Variants in FANCM observed in about 807,000 individuals in gnomAD.
FANCM encodes the protein Fanconi anemia group M protein.
FANCM carries 140 observed loss-of-function variants against 199.5 expected under a neutral mutation model. The ratio of observed to expected loss-of-function variants is 0.70; its 90% CI spans 0.61 to 0.81. The LOEUF (loss-of-function observed/expected upper bound fraction) is 0.81, where lower values mean the gene tolerates loss of function less well. Ranked by LOEUF, FANCM falls within the 30% of genes least tolerant of loss-of-function variation. FANCM has a pLI of 0.00. For missense variants in FANCM, 2,410 were observed against 2,421.4 expected (o/e 1.00, Z 0.10); for synonymous variants, 840 against 836.8 (o/e 1.00, Z -0.07).
Position 45,167,052 on chromosome 14 carries a change from GA to G in FANCM, c.1892del (p.Asp631ValfsTer39). On this transcript the variant is annotated frameshift_variant, in exon 11 of 23. Coordinates refer to ENST00000267430, the MANE Select transcript of FANCM (RefSeq NM_020937.4). LOFTEE classifies it high-confidence loss of function. ...FYQRSPRMVP[D>X]GINPKLHKMF... ...CCAAAGAAGTCCACGAATGGTTCCT[GA>G]TGGAATCAACCCAAAATTACACAAA... 1 of 1,612,634 alleles carries G rather than the reference GA, an allele frequency of 6.2e-7. No homozygotes were observed. The highest frequency in any genetic ancestry group is 8.5e-7 in the Non-Finnish European group (1 of 1,178,660).
rs201905147 is a variant in FANCM at position 45,164,343 on chromosome 14, A to C, written c.1582-16A>C. 17 of 1,595,238 alleles carry C rather than the reference A, an allele frequency of 1.1e-5. No individual in the cohort carries two copies. Among genetic ancestry groups the C allele is most frequent in the Non-Finnish European group, 1.5e-5 (17 of 1,164,496 alleles). On this transcript the variant is annotated splice_polypyrimidine_tract_variant and intron_variant, in intron 9 of 22. Coordinates refer to ENST00000267430, the MANE Select transcript of FANCM (RefSeq NM_020937.4). ...TACATTTGCATGTAGTTATTTTTCAATTGTTTTTATTTTAGGTAGTGAAAC... is the reference window on the plus strand; with the variant it reads ...TACATTTGCATGTAGTTATTTTTCACTTGTTTTTATTTTAGGTAGTGAAAC...
In FANCM at chr14:45,176,860, A is replaced by G; in HGVS notation, c.4106A>G (p.Asn1369Ser). 1.2e-6 allele frequency: 2 copies of G among 1,607,530 alleles called. No individual in the cohort carries two copies. Among genetic ancestry groups the G allele is most frequent in the South Asian group, 2.2e-5 (2 of 90,042 alleles). ...KTPDSSKEKV[N>S]LQRFKEALNS... ...CCAGATTCTAGTAAGGAAAAAGTAA[A>G]CCTACAAAGATTCAAAGAAGCATTG... Residue 1369 changes from asparagine (N) to serine (S), a missense_variant, in exon 14 of 23, where the codon AAC (asparagine) becomes AGC (serine). Transcript: ENST00000267430.
chr14:45,172,039 T>A (rs981176704), intron 12 of FANCM, among the ~76,000 whole-genome samples: 14 of 152,314 alleles, frequency 9.2e-5, no homozygotes, highest in South Asian at 2.1e-4. Flanking sequence ...TTGATTTTTT[T>A]AATTATGGCC....
Position 45,176,227 on chromosome 14 carries a change from C to T in FANCM, c.3473C>T (p.Ser1158Phe), listed in dbSNP as rs952413457. 4.3e-6 allele frequency: 7 copies of T among 1,613,920 alleles called. No homozygotes were observed. In the African/African-American group the frequency reaches 9.3e-5, roughly 22 times the overall value. ...SLSPLNSKSE[S>F]LPVSDKTAIS... ...TCACCCTTGAACAGTAAAAGCGAAT[C>T]TTTACCTGTGTCAGACAAAACTGCT... The change falls in exon 14 of 23, where the codon TCT (serine) becomes TTT (phenylalanine). Residue 1158 changes from serine to phenylalanine, a missense_variant. Physicochemically the swap from Ser to Phe is radical, Grantham distance 155. Coordinates refer to ENST00000267430, the MANE Select transcript of FANCM (RefSeq NM_020937.4).
rs1177683268 is a variant in FANCM at position 45,148,817 on chromosome 14, A to G, written c.760-20A>G. On this transcript the variant is annotated intron_variant, in intron 3 of 22. Transcript: ENST00000267430. ...ATTTTAACATGTAGTTTATAATCAT[A>G]CTTAATTGATTTCATATAGGCTGTG... The G allele has an allele frequency of 1.3e-6, 2 of 1,567,812 alleles. No individual in the cohort carries two copies. Among genetic ancestry groups the G allele is most frequent in the African/African-American group, 1.3e-5 (1 of 74,134 alleles).
rs201076487 is a variant in FANCM at position 45,164,381 on chromosome 14, G to A, written c.1604G>A (p.Gly535Asp). ...QLEVVKQFRD[G>D]GYNTLVSTCV... is the part of the protein sequence containing the mutation. Reference sequence around the variant, plus strand: ...TAGGTAGTGAAACAGTTTCGTGACGGTGGTTACAACACGCTGGTTTCTACC... The same window carrying A: ...TAGGTAGTGAAACAGTTTCGTGACGATGGTTACAACACGCTGGTTTCTACC... The change falls in exon 10 of 23, where the codon GGT (glycine) becomes GAT (aspartate). Residue 535 changes from glycine to aspartate, a missense_variant. By Grantham distance (94) the Gly-to-Asp change is moderately conservative. Transcript: ENST00000267430. 1.4e-5 allele frequency: 23 copies of A among 1,612,836 alleles called. No individual in the cohort carries two copies. Among genetic ancestry groups the A allele is most frequent in the Non-Finnish European group, 1.7e-5 (20 of 1,179,736 alleles).
Position 45,136,008 on chromosome 14 carries a change from A to T in FANCM, c.-24A>T, listed in dbSNP as rs113550718. 12 of 1,612,598 alleles carry T rather than the reference A, an allele frequency of 7.4e-6. No homozygotes were observed. Among genetic ancestry groups the T allele is most frequent in the Non-Finnish European group, 1.0e-5 (12 of 1,179,886 alleles). On this transcript the variant is annotated 5_prime_UTR_variant, in exon 1 of 23. Transcript: ENST00000267430. ...TGCTGCTGCTACGGATATCTGACAG[A>T]AGCCTTCGGTGGTTGTCGGCCTAAT...
chr14:45,181,354 A>G, intron 14 of FANCM, 76 bp from the exon 15 acceptor site: 2 of 754,380 alleles, frequency 2.7e-6, no homozygotes, highest in South Asian at 1.6e-5. Context: ...TAATGTAGCC[A>G]TCAATAAAAT....
At position 45,189,224 on chromosome 14, in the gene FANCM, A is replaced by G. The variant is rs1178666225; in HGVS notation, c.5202A>G (p.Thr1734=). The G allele has an allele frequency of 1.9e-6, 3 of 1,614,158 alleles. No individual in the cohort carries two copies. Among genetic ancestry groups the G allele is most frequent in the South Asian group, 2.2e-5 (2 of 91,088 alleles). The part of the protein sequence containing the change: ...VNPLAKQSKQ[T]SLNLKDTISE... ...CATTAGCAAAGCAGAGCAAACAGAC[A>G]TCGCTGAATTTAAAGGATACAATTT... The change falls in exon 20 of 23, where the codon ACA becomes ACG. Residue 1734 remains threonine (T), a synonymous_variant. Transcript: ENST00000267430.
chr14:45,175,050 T>C, intron 13 of FANCM, 21 bp from the exon 14 acceptor site: 1 of 1,539,470 alleles, frequency 6.5e-7, no homozygotes, highest in South Asian at 1.1e-5. Flanking sequence ...CTGTGGCTTT[T>C]TAAATTTTCC....
chr14:45,156,699 C>A (rs1291803179), intron 8 of FANCM, among the ~76,000 whole-genome samples: 3 of 151,982 alleles, frequency 2.0e-5, no homozygotes, highest in African/African-American at 7.3e-5. Context: ...GTGGGCAGAT[C>A]ACGAGGTCAA....
At chr14:45,195,336 A>G (rs1889995777) in intron 20 of FANCM, 10 of 308,330 alleles carry the variant, frequency 3.2e-5, no homozygotes, top group South Asian at 2.9e-4. Flanking sequence ...TGAGGGCTGG[A>G]GGGCCAGTAT....
intron 16 of FANCM, 113 bp downstream of exon 16, chr14:45,181,818 G>A (rs1889093084): frequency 1.4e-6 from 1 of 713,478 alleles, no homozygotes; most frequent in South Asian, 1.6e-5. Flanking sequence ...TAGAAAAGTT[G>A]ATATTCTATT....
intron 20 of FANCM, among the ~76,000 whole-genome samples, chr14:45,190,722 A>ATT (rs796385554): frequency 3.7e-5 from 5 of 135,860 alleles, no homozygotes; most frequent in South Asian, 2.3e-4. Context: ...AATTGTCCCC[A>ATT]TTTTTTTTTT....
At chr14:45,155,681 C>T (rs1887135647) in intron 8 of FANCM, among the ~76,000 whole-genome samples, 1 of 152,164 alleles carries the variant, frequency 6.6e-6, no homozygotes, top group Non-Finnish European at 1.5e-5. Context: ...TGCTTGTAAT[C>T]CCAGCTACTT....
At chr14:45,175,006 T>C (rs563171723) in intron 13 of FANCM, 65 bp from the exon 14 acceptor site, 1 of 927,650 alleles carries the variant, frequency 1.1e-6, no homozygotes, top group Non-Finnish European at 1.8e-6. Context: ...GAAACTCCTC[T>C]CTTAGATTTG....
At chr14:45,186,092 C>T (rs1281167526) in intron 18 of FANCM, among the ~76,000 whole-genome samples, 2 of 152,214 alleles carry the variant, frequency 1.3e-5, no homozygotes, top group Non-Finnish European at 2.9e-5. Flanking sequence ...TGTAATCTCA[C>T]TATGTTGCCC....
Position 45,176,665 on chromosome 14 carries a change from A to G in FANCM, c.3911A>G (p.Asn1304Ser), listed in dbSNP as rs781358178. The G allele has an allele frequency of 9.3e-6, 15 of 1,613,726 alleles. No homozygotes were observed. The highest frequency in any genetic ancestry group is 1.3e-5 in the Non-Finnish European group (15 of 1,179,862). Residue 1304 changes from asparagine to serine, a missense_variant, in exon 14 of 23, where the codon AAT (asparagine) becomes AGT (serine). Asn to Ser is a conservative substitution (Grantham distance 46). Coordinates refer to ENST00000267430, the MANE Select transcript of FANCM (RefSeq NM_020937.4). ...VIIPSNEDMQ[N>S]PNYVHLPLSA... ...ATCCCATCAAATGAAGATATGCAGA[A>G]TCCAAATTATGTACATTTGCCACTG... is the stretch of plus-strand genomic sequence containing the variant.
rs1254073558 is a variant in FANCM, at chr14:45,136,271, C to T, written c.240C>T (p.Gly80=). 4 of 1,614,146 alleles carry T rather than the reference C, an allele frequency of 2.5e-6. No individual in the cohort carries two copies. Among genetic ancestry groups the T allele is most frequent in the Non-Finnish European group, 1.7e-6 (2 of 1,180,020 alleles). ...LENGGFCTSA[G]ALWIYPTNCP... ...ATGGCGGGTTCTGCACCTCCGCGGG[C>T]GCCCTGTGGATTTACCCTACCAATT... The change falls in exon 1 of 23, where the codon GGC becomes GGT. Residue 80 remains glycine, a synonymous_variant. Coordinates refer to ENST00000267430, the MANE Select transcript of FANCM (RefSeq NM_020937.4).
Sources: gnomAD v4.1 joint callset for allele counts (sites outside exome capture counted in the v4.1 genomes callset) on GRCh38, gnomAD v4.1.1 for gene constraint, MANE v1.5 for transcripts, NCBI Gene and HGNC (gene_info 2026-07-23, HGNC 2026-07-21) for gene names.